The following FSTL5 variants were observed in gnomAD, a reference collection of about 807,000 sequenced individuals.
FSTL5 encodes the protein follistatin like 5.
In FSTL5, 62 loss-of-function variants were observed where a neutral mutation model predicts 89.1. The observed-to-expected ratio is 0.70, with a 90% CI of 0.57 to 0.86. The LOEUF is 0.86. Ranked by LOEUF, FSTL5 falls within the 40% of genes least tolerant of loss-of-function variation. The probability of loss-of-function intolerance (pLI) is 0.00; values close to 1 mark genes in which losing one functional copy is unlikely to be tolerated. For synonymous variants in FSTL5, 383 were observed against 346.2 expected (o/e 1.11, Z -1.18); for missense variants, 1,057 against 1,001.6 (o/e 1.06, Z -0.75).
At chr4:161,972,996 T>A (rs1159250485) in intron 3 of FSTL5, among the ~76,000 whole-genome samples, 1 of 152,218 alleles carries the variant, frequency 6.6e-6, no homozygotes, top group Non-Finnish European at 1.5e-5. Context: ...GAGTGGCTTC[T>A]CATTGATTCT....
intron 4 of FSTL5, among the ~76,000 whole-genome samples, chr4:161,875,595 C>T (rs1425933431): frequency 1.5e-4 from 23 of 152,250 alleles, no homozygotes; most frequent in East Asian, 1.9e-4. Context: ...TGGTCGGGTC[C>T]GCTCGCACAC....
rs972910608 is a variant in FSTL5 at position 161,684,412 on chromosome 4, T to G, written c.728-27918A>C. ...CCACCGGCAGTTGAGAAGTATTCCG[T>G]GTTCACTACATTCACGCCAACATCT... On this transcript the variant is annotated intron_variant, in intron 6 of 15. Transcript: ENST00000306100. Among the ~76,000 whole-genome samples the G allele has an allele frequency of 2.0e-5, 3 of 152,322 alleles. No individual in the cohort carries two copies. The South Asian group carries it at 6.2e-4, about 32-fold the overall frequency.
chr4:161,813,058 G>A (rs975976669), intron 4 of FSTL5, among the ~76,000 whole-genome samples: 3 of 148,292 alleles, frequency 2.0e-5, no homozygotes, highest in African/African-American at 5.0e-5. Context: ...GCAGAGTCTC[G>A]CGCTGTTGCC....
chr4:161,590,891 C>T (rs1042312963), intron 7 of FSTL5, among the ~76,000 whole-genome samples: 1 of 152,116 alleles, frequency 6.6e-6, no homozygotes, highest in African/African-American at 2.4e-5. Flanking sequence ...TTATGTACTA[C>T]CCCAAAGAAC....
chr4:161,887,832 A>G (rs953157728), intron 4 of FSTL5, among the ~76,000 whole-genome samples: 4 of 152,172 alleles, frequency 2.6e-5, no homozygotes, highest in Non-Finnish European at 4.4e-5. Context: ...ACCTAATATA[A>G]TTCATTCATT....
intron 4 of FSTL5, among the ~76,000 whole-genome samples, chr4:161,798,475 T>C (rs1196202047): frequency 1.0e-5 from 1 of 96,386 alleles, no homozygotes; most frequent in Non-Finnish European, 1.7e-5. Flanking sequence ...ATTGTAATAC[T>C]TTTTTTTTTT....
chr4:161,398,465 TCAA>T (rs1731075909), intron 15 of FSTL5, among the ~76,000 whole-genome samples: 1 of 152,094 alleles, frequency 6.6e-6, no homozygotes, highest in Non-Finnish European at 1.5e-5. Flanking sequence ...GAGAGATTAC[TCAA>T]CAACCTGCTC....
intron 3 of FSTL5, among the ~76,000 whole-genome samples, chr4:162,008,462 AT>A (rs1736673261): frequency 6.6e-6 from 1 of 151,858 alleles, no homozygotes; most frequent in African/African-American, 2.4e-5. Flanking sequence ...AAGGATATTT[AT>A]TTGATTAAGG....
At chr4:162,034,355 A>G (rs1377967403) in intron 2 of FSTL5, among the ~76,000 whole-genome samples, 1 of 152,150 alleles carries the variant, frequency 6.6e-6, no homozygotes, top group Non-Finnish European at 1.5e-5. Flanking sequence ...TTTAGGCACA[A>G]ACATCGGGGA....
chr4:161,641,493 T>G lies in FSTL5; in HGVS notation c.894+14835A>C, dbSNP rs568214252. Among the ~76,000 whole-genome samples, 3 of 151,070 alleles carry G rather than the reference T, an allele frequency of 2.0e-5. No homozygotes were observed. In the South Asian group the frequency reaches 6.3e-4, roughly 32 times the overall value. On this transcript the variant is annotated intron_variant, in intron 7 of 15. Transcript: ENST00000306100. ...TTGGTAGATATCCAAATTAGAGGGTTTTTTTGTTTTGTTTTGTTTTTTTTT... is the reference window on the plus strand; with the variant it reads ...TTGGTAGATATCCAAATTAGAGGGTGTTTTTGTTTTGTTTTGTTTTTTTTT...
chr4:161,485,224 T>G (rs1729636950), intron 12 of FSTL5, among the ~76,000 whole-genome samples: 1 of 152,252 alleles, frequency 6.6e-6, no homozygotes, highest in Non-Finnish European at 1.5e-5. Flanking sequence ...CTGACCTTAA[T>G]TATCATTTTT....
intron 6 of FSTL5, among the ~76,000 whole-genome samples, chr4:161,713,555 C>T (rs376006356): frequency 2.0e-5 from 3 of 152,036 alleles, no homozygotes; most frequent in African/African-American, 7.2e-5. Flanking sequence ...CTGTTTTCAG[C>T]GTGCAAAAAC....
At chr4:162,095,736 G>A (rs912510995) in intron 2 of FSTL5, among the ~76,000 whole-genome samples, 1 of 151,942 alleles carries the variant, frequency 6.6e-6, no homozygotes, top group Non-Finnish European at 1.5e-5. Context: ...AGTTACTTTT[G>A]GAGAACACAT....
intron 3 of FSTL5, among the ~76,000 whole-genome samples, chr4:161,923,991 A>G (rs1208290871): frequency 6.6e-6 from 1 of 151,798 alleles, no homozygotes; most frequent in Non-Finnish European, 1.5e-5. Context: ...TCTGACAGTA[A>G]TTATCCATGA....
At chr4:161,930,774 T>A (rs563425623) in intron 3 of FSTL5, among the ~76,000 whole-genome samples, 1 of 151,998 alleles carries the variant, frequency 6.6e-6, no homozygotes, top group South Asian at 2.1e-4. Flanking sequence ...CATAACTAAT[T>A]TCTCCAAAAA....
At chr4:161,477,804 G>C (rs1458383071) in intron 13 of FSTL5, among the ~76,000 whole-genome samples, 1 of 151,844 alleles carries the variant, frequency 6.6e-6, no homozygotes, top group Admixed American at 6.6e-5. Flanking sequence ...TATAAAACTT[G>C]AAAGTAAAAT....
chr4:161,842,137 G>A (rs947036753), intron 4 of FSTL5, among the ~76,000 whole-genome samples: 1 of 152,158 alleles, frequency 6.6e-6, no homozygotes, highest in African/African-American at 2.4e-5. Flanking sequence ...GTATTTTGAA[G>A]GTACAGTCTG....
chr4:161,797,451 G>C (rs955294637), intron 4 of FSTL5, among the ~76,000 whole-genome samples: 6 of 151,466 alleles, frequency 4.0e-5, no homozygotes, highest in Non-Finnish European at 7.4e-5. Context: ...TTCCTAGTTT[G>C]TTTATATTAG....
intron 1 of FSTL5, among the ~76,000 whole-genome samples, chr4:162,160,044 C>T (rs1163148088): frequency 7.5e-6 from 1 of 133,208 alleles, no homozygotes; most frequent in Non-Finnish European, 1.7e-5. Flanking sequence ...CTTGCATGTT[C>T]TAGGCCATGC....
Sources: allele counts gnomAD v4.1 joint callset (sites outside exome capture counted in the v4.1 genomes callset), GRCh38; gene constraint gnomAD v4.1.1; transcripts MANE v1.5; gene names NCBI Gene and HGNC (gene_info 2026-07-23, HGNC 2026-07-21).